PCDH11X: variants seen among roughly 807,000 people sequenced by gnomAD.
PCDH11X encodes protocadherin-11 X-linked.
Under a neutral mutation model 53.3 loss-of-function variants are expected in PCDH11X, and 18 were observed. That is an observed-to-expected ratio of 0.34 (90% confidence interval 0.23 to 0.50). The LOEUF is 0.50. Ranked by LOEUF, PCDH11X falls within the 20% of genes least tolerant of loss-of-function variation. The pLI is 0.98. For missense variants in PCDH11X, 570 were observed against 1,032.4 expected, an observed-to-expected ratio of 0.55 and a Z score of 6.14; for synonymous variants, 279 against 393.3, an observed-to-expected ratio of 0.71 and a Z score of 3.44.
At chrX:92,237,997 G>A (rs2067200855) in intron 7 of PCDH11X, among the ~76,000 whole-genome samples, 1 of 111,355 alleles carries the variant, frequency 9.0e-6, no homozygotes, top group East Asian at 2.8e-4. Context: ...AACACAGCAA[G>A]CTTATCTCAA....
chrX:92,493,387 C>T (rs751648261), intron 10 of PCDH11X, among the ~76,000 whole-genome samples: 1 of 109,698 alleles, frequency 9.1e-6, no homozygotes, highest in African/African-American at 3.3e-5. Context: ...GCTCTGACTA[C>T]AATAAAGTAC....
intron 8 of PCDH11X, among the ~76,000 whole-genome samples, chrX:92,299,425 A>G (rs949310050): frequency 1.8e-5 from 2 of 111,133 alleles, no homozygotes; most frequent in Non-Finnish European, 3.8e-5. Context: ...ACTCACTGTG[A>G]ATCTGTCTGG....
chrX:91,971,890 T>A (rs1373962378), intron 6 of PCDH11X, among the ~76,000 whole-genome samples: 2 of 111,628 alleles, frequency 1.8e-5, no homozygotes, highest in African/African-American at 6.5e-5. Context: ...TAAAACTACC[T>A]GAAATGGTGG....
intron 6 of PCDH11X, among the ~76,000 whole-genome samples, chrX:91,974,759 CTT>C (rs987005762): frequency 1.9e-5 from 2 of 104,868 alleles, no homozygotes; most frequent in Non-Finnish European, 3.9e-5. Flanking sequence ...TTTTTCTTTT[CTT>C]TTTTTTTTTT....
chrX:91,784,963 A>G lies in PCDH11X; in HGVS notation c.-379+5279A>G, dbSNP rs1935280208. 2.7e-5 allele frequency among the ~76,000 whole-genome samples: 3 copies of G among 109,669 alleles called. No individual in the cohort carries two copies. In the South Asian group the frequency reaches 1.2e-3, roughly 43 times the overall value. ...TGTCTTTTGCTGTTTTAGTTCACAC[A>G]AGACTTTTAGTGGAATTCCTTCAAT... is the stretch of plus-strand genomic sequence containing the variant. On this transcript the variant is annotated intron_variant, in intron 1 of 10. Coordinates refer to ENST00000682573, the MANE Select transcript of PCDH11X (RefSeq NM_032968.5).
Position 92,201,356 on chromosome X carries a change from A to G in PCDH11X, c.3034-19A>G. On this transcript the variant is annotated intron_variant, in intron 6 of 10. Transcript: ENST00000682573. The stretch of plus-strand genomic sequence containing the variant: ...TTAACAAACAGCTTAAAATACTTCT[A>G]TTTTCTTCCCTTCTAAAGCCAATGA... The G allele has an allele frequency of 8.4e-7, 1 of 1,188,912 alleles. No homozygotes were observed. Among genetic ancestry groups the G allele is most frequent in the South Asian group, 1.8e-5 (1 of 54,408 alleles).
chrX:92,373,811 G>A (rs1436860864), intron 8 of PCDH11X, among the ~76,000 whole-genome samples: 3 of 111,709 alleles, frequency 2.7e-5, no homozygotes, highest in African/African-American at 6.5e-5. Context: ...AAACTAAAGA[G>A]TAATGCTTTA....
chrX:92,348,495 C>A (rs911077249), intron 8 of PCDH11X, among the ~76,000 whole-genome samples: 4 of 94,304 alleles, frequency 4.2e-5, no homozygotes, highest in Non-Finnish European at 6.2e-5. Context: ...TCAGAGAAAT[C>A]AAACATCAAA....
chrX:92,545,373 C>T (rs1486876295), intron 10 of PCDH11X, among the ~76,000 whole-genome samples: 1 of 95,531 alleles, frequency 1.0e-5, no homozygotes, highest in Non-Finnish European at 2.1e-5. Context: ...TCATTGACTT[C>T]GAAGGTTAAA....
intron 6 of PCDH11X, among the ~76,000 whole-genome samples, chrX:92,104,645 C>T (rs1281869989): frequency 9.1e-6 from 1 of 110,288 alleles, no homozygotes; most frequent in Non-Finnish European, 1.9e-5. Context: ...GTTTTAAGTT[C>T]TTAAGAATAC....
At chrX:91,899,038 T>C (rs1356905180) in intron 6 of PCDH11X, among the ~76,000 whole-genome samples, 3 of 111,353 alleles carry the variant, frequency 2.7e-5, no homozygotes, top group Non-Finnish European at 5.6e-5. Flanking sequence ...TAGGGTTCTC[T>C]AGAGGGACAG....
At chrX:91,828,709 C>T (rs754240229) in intron 4 of PCDH11X, among the ~76,000 whole-genome samples, 2 of 111,586 alleles carry the variant, frequency 1.8e-5, no homozygotes, top group Non-Finnish European at 3.8e-5. Flanking sequence ...TTTTGCTTAG[C>T]GTTCTAAGAT....
At position 92,489,375 on chromosome X, in the gene PCDH11X, T is replaced by C. The variant is rs1204842307; in HGVS notation, c.3367+21053T>C. 1.9e-4 allele frequency among the ~76,000 whole-genome samples: 21 copies of C among 110,882 alleles called. No homozygotes were observed. In the Admixed American group the frequency reaches 2.0e-3, roughly 11 times the overall value. On this transcript the variant is annotated intron_variant, in intron 10 of 10. Transcript: ENST00000682573. ...TTTGCCACAGGCTTAAATAACTAAT[T>C]AGGCTTGGGGAAGACAATGGCTACT...
At chrX:92,287,437 A>G (rs2755276) in intron 8 of PCDH11X, among the ~76,000 whole-genome samples, 2,543 of 110,776 alleles carry the variant, frequency 0.023, 66 homozygotes, top group African/African-American at 0.071. Context: ...AACATGCAGT[A>G]TTTGGTTTTC....
At chrX:91,873,001 G>A (rs1602401084) in intron 5 of PCDH11X, among the ~76,000 whole-genome samples, 1 of 109,154 alleles carries the variant, frequency 9.2e-6, no homozygotes, top group Non-Finnish European at 1.9e-5. Context: ...ATACTTTGAC[G>A]TCAACTTAGA....
At chrX:91,871,544 T>C (rs1184151400) in intron 5 of PCDH11X, among the ~76,000 whole-genome samples, 6 of 107,308 alleles carry the variant, frequency 5.6e-5, no homozygotes, top group Non-Finnish European at 5.8e-5. Flanking sequence ...AAAAGTGCTG[T>C]GTTATTTATT....
chrX:92,460,297 T>C, intron 9 of PCDH11X: 1 of 801,247 alleles, frequency 1.2e-6, no homozygotes, highest in South Asian at 2.0e-5. Context: ...GGAGCTGCTC[T>C]TCATGAAGAA....
chrX:92,096,432 ATGTGTATGTGTGTG>A (rs1274216011), intron 6 of PCDH11X, among the ~76,000 whole-genome samples: 2 of 65,553 alleles, frequency 3.1e-5, no homozygotes, highest in Non-Finnish European at 5.7e-5. Context: ...AGTGGAGTGT[ATGTGTATGTGTGTG>A]TGTGTGTGTG....
At position 91,885,953 on chromosome X, in the gene PCDH11X, A is replaced by G. The variant is rs1252798953; in HGVS notation, c.3033+6680A>G. Among the ~76,000 whole-genome samples, 3 of 111,447 alleles carry G rather than the reference A, an allele frequency of 2.7e-5. No individual in the cohort carries two copies. The East Asian group carries it at 8.5e-4, about 31-fold the overall frequency. ...ATTTAACAGTATTTAAATTTGGGCCATAGATGAAAATGAATTCTACTTTTG... is the reference window on the plus strand; with the variant it reads ...ATTTAACAGTATTTAAATTTGGGCCGTAGATGAAAATGAATTCTACTTTTG... On this transcript the variant is annotated intron_variant, in intron 6 of 10. Transcript: ENST00000682573.
Sources: allele counts gnomAD v4.1 joint callset (sites outside exome capture counted in the v4.1 genomes callset), GRCh38; gene constraint gnomAD v4.1.1; transcripts MANE v1.5; gene names NCBI Gene and HGNC (gene_info 2026-07-23, HGNC 2026-07-21).